Variants in SLC25A14 observed in about 807,000 individuals in gnomAD.
SLC25A14 encodes the protein brain mitochondrial carrier protein 1.
A neutral mutation model predicts 28.1 loss-of-function variants in SLC25A14; 8 were observed. The observed-to-expected ratio is 0.28, with a 90% confidence interval of 0.17 to 0.51. The LOEUF is 0.51. Among genes scored for constraint, SLC25A14 ranks in the 20% least tolerant of loss-of-function variants. The pLI is 0.97. For missense variants in SLC25A14, 135 were observed against 263.8 expected (o/e 0.51, Z 3.38); for synonymous variants, 74 against 90.6 (o/e 0.82, Z 1.04).
intron 2 of SLC25A14, among the ~76,000 whole-genome samples, chrX:130,341,758 T>C (rs2033268485): frequency 8.9e-6 from 1 of 112,592 alleles, no homozygotes. Context: ...TATTTTACCT[T>C]AGATATGACT....
At chrX:130,371,534 A>C in intron 9 of SLC25A14, 30 bp from the exon 10 acceptor site, 1 of 1,104,714 alleles carries the variant, frequency 9.1e-7, no homozygotes, top group Non-Finnish European at 1.2e-6. Context: ...AGGTGAATTC[A>C]CTCTGTTTTT....
intron 2 of SLC25A14, 152 bp downstream of exon 2, chrX:130,340,505 A>G: frequency 1.8e-6 from 1 of 555,561 alleles, no homozygotes; most frequent in Non-Finnish European, 2.9e-6. Context: ...AGCTGTTATC[A>G]ACATGAATTA....
intron 2 of SLC25A14, among the ~76,000 whole-genome samples, chrX:130,344,668 A>T (rs996558222): frequency 6.3e-5 from 7 of 111,365 alleles, no homozygotes; most frequent in Admixed American, 9.5e-5. Context: ...AGTTGGGGGG[A>T]CAAAGTTATA....
At chrX:130,351,915 GT>G (rs957929071) in intron 6 of SLC25A14, among the ~76,000 whole-genome samples, 7 of 110,076 alleles carry the variant, frequency 6.4e-5, no homozygotes, top group African/African-American at 1.6e-4. Flanking sequence ...TACAGAACAA[GT>G]TTTTTTTTCA....
chrX:130,349,281 A>T lies in SLC25A14; in HGVS notation c.348A>T (p.Ser116=). 2.5e-6 allele frequency: 3 copies of T among 1,201,820 alleles called. No individual in the cohort carries two copies. The South Asian group carries it at 5.4e-5, about 21-fold the overall frequency. Residue 116 remains serine, a synonymous_variant, in exon 5 of 11, where the codon TCA becomes TCT. Coordinates refer to ENST00000545805, the MANE Select transcript of SLC25A14 (RefSeq NM_001282195.2). ...GIAPALLRQA[S]YGTIKIGIYQ... is the part of the protein sequence containing the mutation. ...CTCCTGCGTTGCTAAGACAAGCATCATATGGCACCATTAAAATTGGGATTT... is the reference window on the plus strand; with the variant it reads ...CTCCTGCGTTGCTAAGACAAGCATCTTATGGCACCATTAAAATTGGGATTT...
intron 7 of SLC25A14, among the ~76,000 whole-genome samples, chrX:130,360,178 A>T (rs750796862): frequency 2.8e-5 from 3 of 107,089 alleles, no homozygotes; most frequent in African/African-American, 1.0e-4. Flanking sequence ...GATGTGAGCC[A>T]CCATGCCTGG....
chrX:130,354,175 G>A (rs1252594036), intron 6 of SLC25A14, among the ~76,000 whole-genome samples: 10 of 106,326 alleles, frequency 9.4e-5, no homozygotes, highest in Non-Finnish European at 9.7e-5. Flanking sequence ...GTGCAGTGGC[G>A]CGATCTCGGC....
intron 9 of SLC25A14, among the ~76,000 whole-genome samples, chrX:130,367,350 T>C (rs1208688603): frequency 1.8e-5 from 2 of 111,747 alleles, no homozygotes; most frequent in Non-Finnish European, 3.8e-5. Context: ...AGATAAGTTC[T>C]GGGTTTTTGG....
intron 10 of SLC25A14, among the ~76,000 whole-genome samples, 195 bp downstream of exon 10, chrX:130,371,839 GAT>G (rs2034270280): frequency 8.9e-6 from 1 of 111,978 alleles, no homozygotes; most frequent in Non-Finnish European, 1.9e-5. Flanking sequence ...GGATAGAAAA[GAT>G]ATGTCAAACT....
chrX:130,371,553 C>A lies in SLC25A14; in HGVS notation c.856-11C>A. On this transcript the variant is annotated splice_polypyrimidine_tract_variant and intron_variant, in intron 9 of 10. Coordinates refer to ENST00000545805, the MANE Select transcript of SLC25A14 (RefSeq NM_001282195.2). ...GAATTCACTCTGTTTTTGGTTATATCTTTCCTGCAGATGTGGAAACATGAG... is the reference window on the plus strand; with the variant it reads ...GAATTCACTCTGTTTTTGGTTATATATTTCCTGCAGATGTGGAAACATGAG... 2 of 1,192,461 alleles carry A rather than the reference C, an allele frequency of 1.7e-6. No homozygotes were observed.
intron 2 of SLC25A14, among the ~76,000 whole-genome samples, chrX:130,342,970 T>C (rs997031872): frequency 1.8e-5 from 2 of 111,216 alleles, no homozygotes; most frequent in Non-Finnish European, 3.8e-5. Flanking sequence ...TGGCCTAAGA[T>C]TCAGCGACTG....
At chrX:130,346,198 G>A (rs1363247304) in intron 3 of SLC25A14, among the ~76,000 whole-genome samples, 2 of 111,015 alleles carry the variant, frequency 1.8e-5, no homozygotes, top group Middle Eastern at 4.2e-3. Context: ...CTTGGGGTGG[G>A]AAGGGGCAGG....
intron 5 of SLC25A14, chrX:130,349,600 T>C (rs1372054579): frequency 5.3e-6 from 1 of 190,445 alleles, no homozygotes; most frequent in African/African-American, 3.0e-5. Flanking sequence ...AACAATCTTG[T>C]CCAGAAAATT....
chrX:130,341,471 A>T (rs944164121), intron 2 of SLC25A14, among the ~76,000 whole-genome samples: 13 of 112,049 alleles, frequency 1.2e-4, no homozygotes, highest in Non-Finnish European at 3.8e-5. Flanking sequence ...TGCCTTCAAT[A>T]AATATCTGCT....
chrX:130,355,132 A>G, intron 6 of SLC25A14, among the ~76,000 whole-genome samples: 1 of 112,481 alleles, frequency 8.9e-6, no homozygotes, highest in Non-Finnish European at 1.9e-5. Flanking sequence ...TGGCTGTTAT[A>G]AATTATCGTT....
intron 2 of SLC25A14, among the ~76,000 whole-genome samples, chrX:130,342,895 T>C (rs770330914): frequency 5.4e-4 from 58 of 108,390 alleles, no homozygotes; most frequent in Non-Finnish European, 9.4e-4. Flanking sequence ...AAGGACTAAG[T>C]GTCCTTATTT....
intron 6 of SLC25A14, among the ~76,000 whole-genome samples, chrX:130,354,364 T>C (rs755034625): frequency 2.9e-3 from 320 of 111,810 alleles, no homozygotes; most frequent in Non-Finnish European, 4.4e-3. Context: ...CCACCCGCCT[T>C]GGCCTCCCAA....
At chrX:130,352,981 T>C (rs1351056710) in intron 6 of SLC25A14, among the ~76,000 whole-genome samples, 1 of 112,514 alleles carries the variant, frequency 8.9e-6, no homozygotes, top group Admixed American at 9.4e-5. Flanking sequence ...CATAAATTAT[T>C]TCCCAAGGCC....
At chrX:130,369,368 T>C (rs1189769091) in intron 9 of SLC25A14, among the ~76,000 whole-genome samples, 1 of 111,910 alleles carries the variant, frequency 8.9e-6, no homozygotes, top group Non-Finnish European at 1.9e-5. Context: ...CAACAAATAC[T>C]TACGGGAAAA....
Sources: gnomAD v4.1 joint callset for allele counts (sites outside exome capture counted in the v4.1 genomes callset) on GRCh38, gnomAD v4.1.1 for gene constraint, MANE v1.5 for transcripts, NCBI Gene and HGNC (gene_info 2026-07-23, HGNC 2026-07-21) for gene names.